Variants in RIC3 observed in about 807,000 individuals in gnomAD.
RIC3 encodes RIC3 acetylcholine receptor chaperone, also known as protein RIC-3.
RIC3 carries 28 observed loss-of-function variants against 27.3 expected under a neutral mutation model. The observed-to-expected ratio is 1.02, with a 90% CI of 0.76 to 1.41. The LOEUF (loss-of-function observed/expected upper bound fraction) is 1.41. Ranked by LOEUF, RIC3 falls within the 40% of genes most tolerant of loss-of-function variation. RIC3 has a pLI of 0.00. For synonymous variants in RIC3, 184 were observed against 160.4 expected, an observed-to-expected ratio of 1.15 and a Z score of -1.11; for missense variants, 501 against 444.7, an observed-to-expected ratio of 1.13 and a Z score of -1.14.
At chr11:8,095,391 T>C in the RIC3 span, 2 of 1,219,450 alleles carry the variant, frequency 1.6e-6, no homozygotes, top group Non-Finnish European at 2.3e-6. Context: ...AATAAAGTTT[T>C]GCAGAGGGTT....
chr11:8,140,271 T>C lies in RIC3; in HGVS notation c.125-78A>G. On this transcript the variant is annotated intron_variant, in intron 1 of 5. Transcript: ENST00000309737. ...TCATGAAAACACCAAATCATTAAGGTATAAAAGAGGCCAACACAAACAAGT... is the reference window on the plus strand; with the variant it reads ...TCATGAAAACACCAAATCATTAAGGCATAAAAGAGGCCAACACAAACAAGT... 3 of 1,321,248 alleles carry C rather than the reference T, an allele frequency of 2.3e-6. No individual in the cohort carries two copies. In the South Asian group the frequency reaches 4.4e-5, roughly 19 times the overall value. The allele number at this position is 1,321,248 out of a possible 1,614,324, so 81.8% of individuals were successfully genotyped here.
At position 8,140,161 on chromosome 11, in the gene RIC3, G is replaced by C. The variant is rs1198810074; in HGVS notation, c.157C>G (p.His53Asp). The change falls in exon 2 of 6, where the codon CAT (histidine) becomes GAT (aspartate). Residue 53 changes from histidine (H) to aspartate (D), a missense_variant. Transcript: ENST00000309737. ...TGGCCATCTGAGGGTGCCTGGTGAT[G>C]ATGCATCATAGGTGGAAATCGGCCC... ...KLGRFPPMMH[H>D]HQAPSDGQTP... 1 of 1,613,924 alleles carries C rather than the reference G, an allele frequency of 6.2e-7. No homozygotes were observed. Among genetic ancestry groups the C allele is most frequent in the Admixed American group, 1.7e-5 (1 of 59,960 alleles).
At chr11:8,093,687 G>A in the RIC3 span, among the ~76,000 whole-genome samples, 2 of 152,110 alleles carry the variant, frequency 1.3e-5, no homozygotes, top group Non-Finnish European at 2.9e-5. Context: ...TTTCTTCCCC[G>A]TCTTCAATGG....
rs376004216 is a variant in RIC3, at chr11:8,154,925, C to T, written c.124+13941G>A. 2.6e-5 allele frequency among the ~76,000 whole-genome samples: 4 copies of T among 152,252 alleles called. No individual in the cohort carries two copies. In the South Asian group the frequency reaches 8.3e-4, roughly 32 times the overall value. On this transcript the variant is annotated intron_variant, in intron 1 of 5. Coordinates refer to ENST00000309737, the MANE Select transcript of RIC3 (RefSeq NM_001206671.4). ...CTAAATCCTAATTGTTTATTGAAAG[C>T]TTTGCCCATATTCAGGTTTCCTTAA... is the stretch of plus-strand genomic sequence containing the variant.
intron 5 of RIC3, among the ~76,000 whole-genome samples, chr11:8,112,154 A>G (rs76911249): frequency 0.017 from 2,622 of 152,350 alleles, 80 homozygotes; most frequent in African/African-American, 0.059. Flanking sequence ...TCATTTGTAG[A>G]AAATTTGAAA....
At chr11:8,138,084 T>G (rs1251070649) in intron 3 of RIC3, among the ~76,000 whole-genome samples, 188 bp downstream of exon 3, 1 of 152,242 alleles carries the variant, frequency 6.6e-6, no homozygotes, top group Admixed American at 6.5e-5. Flanking sequence ...ACTGGTGGTT[T>G]TGTACTTTTT....
At chr11:8,100,478 G>A in the RIC3 span, 25 of 1,596,278 alleles carry the variant, frequency 1.6e-5, no homozygotes, top group Middle Eastern at 1.7e-4. Flanking sequence ...GCCTCAGGTG[G>A]CCAGTGTTGC....
rs781219098 is a variant in RIC3 at position 8,138,357 on chromosome 11, G to A, written c.352-10C>T. ...TTTTCCCCTTTGAGAGCTGAGAATT[G>A]AAGGAGGTATAGCACATCAACAGCA... On this transcript the variant is annotated splice_polypyrimidine_tract_variant and intron_variant, in intron 2 of 5. Transcript: ENST00000309737. The A allele has an allele frequency of 1.4e-5, 22 of 1,588,718 alleles. No homozygotes were observed. The highest frequency in any genetic ancestry group is 6.9e-6 in the Non-Finnish European group (8 of 1,157,452).
chr11:8,112,294 C>CTTTTTTT (rs11376341), intron 5 of RIC3, among the ~76,000 whole-genome samples: 1 of 124,316 alleles, frequency 8.0e-6, no homozygotes, highest in Non-Finnish European at 1.7e-5. Context: ...CTTTTCTTTT[C>CTTTTTTT]TTTTTTTTTT....
the RIC3 span, chr11:8,097,719 C>T: frequency 6.2e-7 from 1 of 1,612,798 alleles, no homozygotes; most frequent in Non-Finnish European, 8.5e-7. Flanking sequence ...CCAAGGTGTT[C>T]CTCCTGGCGG....
intron 5 of RIC3, among the ~76,000 whole-genome samples, chr11:8,115,314 CA>C (rs777006536): frequency 0.021 from 2,832 of 135,610 alleles, 83 homozygotes; most frequent in African/African-American, 0.066. Flanking sequence ...AAAACAAAAA[CA>C]AAAAAAAAAA....
chr11:8,102,909 C>T (rs559327437), downstream of RIC3: 2 of 7,454 alleles, frequency 2.7e-4, no homozygotes, highest in African/African-American at 2.9e-4. Flanking sequence ...TATCTCTGGC[C>T]TCCTGGGGGC....
intron 4 of RIC3, among the ~76,000 whole-genome samples, chr11:8,132,889 C>T (rs971182273): frequency 3.9e-5 from 6 of 152,080 alleles, no homozygotes; most frequent in African/African-American, 1.4e-4. Flanking sequence ...TGTAAAAGAA[C>T]AAATGCCACA....
chr11:8,097,667 C>A, the RIC3 span: 2 of 1,530,572 alleles, frequency 1.3e-6, no homozygotes, highest in Non-Finnish European at 1.8e-6. Flanking sequence ...TGACTGTGTG[C>A]AGACCAGAGG....
chr11:8,097,624 C>T, the RIC3 span: 704 of 1,337,270 alleles, frequency 5.3e-4, 1 homozygote, highest in Admixed American at 1.0e-3. Context: ...TGGGAGCTGA[C>T]GCAACGGAGA....
chr11:8,098,831 T>A, the RIC3 span: 1 of 1,614,102 alleles, frequency 6.2e-7, no homozygotes, highest in Non-Finnish European at 8.5e-7. Flanking sequence ...ATCCTCCACT[T>A]TGGAAAGTGG....
chr11:8,130,398 C>CCT (rs1321962245), intron 4 of RIC3, among the ~76,000 whole-genome samples: 1 of 152,196 alleles, frequency 6.6e-6, no homozygotes, highest in African/African-American at 2.4e-5. Flanking sequence ...CCTAAATGCC[C>CCT]AAAGCTGCTC....
intron 1 of RIC3, among the ~76,000 whole-genome samples, chr11:8,153,112 A>C (rs1383576119): frequency 6.6e-6 from 1 of 152,220 alleles, no homozygotes; most frequent in African/African-American, 2.4e-5. Context: ...AAAAGTAAAA[A>C]ATACTATTTT....
At chr11:8,131,407 G>C (rs1947686444) in intron 4 of RIC3, among the ~76,000 whole-genome samples, 1 of 152,196 alleles carries the variant, frequency 6.6e-6, no homozygotes, top group Non-Finnish European at 1.5e-5. Flanking sequence ...ATTAAAGGTA[G>C]AATAGGTTCA....
Sources: gnomAD v4.1 joint callset for allele counts (sites outside exome capture counted in the v4.1 genomes callset) on GRCh38, gnomAD v4.1.1 for gene constraint, MANE v1.5 for transcripts, NCBI Gene and HGNC (gene_info 2026-07-23, HGNC 2026-07-21) for gene names.